The following ADAM29 variants were observed in gnomAD, a reference collection of about 807,000 sequenced individuals.
ADAM29 encodes the protein ADAM metallopeptidase domain 29, also known as disintegrin and metalloproteinase domain-containing protein 29.
For synonymous variants in ADAM29, 367 were observed against 342.3 expected, an observed-to-expected ratio of 1.07 and a Z score of -0.80; for missense variants, 969 against 1,001.8, an observed-to-expected ratio of 0.97 and a Z score of 0.44.
At chr4:174,960,928 G>A (rs1007623078) in intron 4 of ADAM29, among the ~76,000 whole-genome samples, 1 of 152,186 alleles carries the variant, frequency 6.6e-6, no homozygotes, top group African/African-American at 2.4e-5. Context: ...ACCTGAGTCA[G>A]TGTGATAAGA....
chr4:174,954,777 C>T (rs1357906694), intron 4 of ADAM29, among the ~76,000 whole-genome samples: 1 of 152,056 alleles, frequency 6.6e-6, no homozygotes, highest in African/African-American at 2.4e-5. Flanking sequence ...TCATCCATCT[C>T]AGGTAGGTTA....
intron 2 of ADAM29, among the ~76,000 whole-genome samples, chr4:174,928,567 C>T (rs1431616683): frequency 1.5e-3 from 9 of 5,968 alleles, no homozygotes; most frequent in African/African-American, 4.1e-3. Flanking sequence ...CTGTCATGTG[C>T]TTAAAAAAAA....
intron 4 of ADAM29, among the ~76,000 whole-genome samples, chr4:174,950,256 C>T (rs533680574): frequency 6.6e-6 from 1 of 152,254 alleles, no homozygotes; most frequent in Non-Finnish European, 1.5e-5. Flanking sequence ...TATAGGTAAG[C>T]ACCAGAATAG....
chr4:174,948,850 C>T (rs1326349491), intron 4 of ADAM29, among the ~76,000 whole-genome samples: 1 of 152,040 alleles, frequency 6.6e-6, no homozygotes, highest in Non-Finnish European at 1.5e-5. Flanking sequence ...GGGTGAGTTT[C>T]CTGGCATCTG....
intron 4 of ADAM29, among the ~76,000 whole-genome samples, chr4:174,973,355 C>T (rs1048873181): frequency 6.6e-6 from 1 of 152,154 alleles, no homozygotes; most frequent in Non-Finnish European, 1.5e-5. Flanking sequence ...ACACTGGGGA[C>T]AGGGACTCCA....
intron 4 of ADAM29, among the ~76,000 whole-genome samples, chr4:174,961,603 C>T (rs1745825071): frequency 1.3e-5 from 2 of 151,942 alleles, no homozygotes; most frequent in African/African-American, 2.4e-5. Flanking sequence ...AATCATTTCT[C>T]GTTATTACTA....
intron 4 of ADAM29, among the ~76,000 whole-genome samples, chr4:174,944,455 T>G (rs1371405982): frequency 6.6e-6 from 1 of 152,222 alleles, no homozygotes; most frequent in East Asian, 1.9e-4. Flanking sequence ...TTTCTCTTTG[T>G]TTTATTTTCA....
At position 174,936,417 on chromosome 4, in the gene ADAM29, C is replaced by T. The variant is rs535470252; in HGVS notation, c.-261-516C>T. ...ACTTATTTGACATTTTTTGGAACAA[C>T]ATTTTACGAAGTTTACTACTTTAGC... On this transcript the variant is annotated intron_variant, in intron 3 of 4. Transcript: ENST00000359240. 1.2e-3 allele frequency among the ~76,000 whole-genome samples: 184 copies of T among 152,048 alleles called. 1 individual carries two copies. Among genetic ancestry groups the T allele is most frequent in the African/African-American group, 4.1e-3 (170 of 41,542 alleles).
intron 4 of ADAM29, among the ~76,000 whole-genome samples, chr4:174,941,692 G>C (rs1241440439): frequency 6.6e-6 from 1 of 152,044 alleles, no homozygotes; most frequent in East Asian, 1.9e-4. Context: ...AGATGAGATT[G>C]GGGGGACACA....
chr4:174,962,444 A>G lies in ADAM29; in HGVS notation c.-180-12902A>G, dbSNP rs375056693. 8.9e-3 allele frequency among the ~76,000 whole-genome samples: 1,353 copies of G among 151,528 alleles called. 17 individuals carry two copies. Among genetic ancestry groups the G allele is most frequent in the African/African-American group, 0.029 (1,187 of 41,218 alleles). ...GGAGAATGGCGTGAACCCGGGAAGC[A>G]GAGCTTGCAGTGAGCCGAGATCGCG... On this transcript the variant is annotated intron_variant, in intron 4 of 4. Coordinates refer to ENST00000359240, the MANE Select transcript of ADAM29 (RefSeq NM_014269.4).
At chr4:174,919,963 A>C (rs1488456615) in intron 1 of ADAM29, among the ~76,000 whole-genome samples, 1 of 152,214 alleles carries the variant, frequency 6.6e-6, no homozygotes, top group Non-Finnish European at 1.5e-5. Flanking sequence ...AAATTGACAC[A>C]ATACTGTATC....
intron 2 of ADAM29, among the ~76,000 whole-genome samples, chr4:174,930,234 T>A (rs1483522402): frequency 6.6e-6 from 1 of 152,162 alleles, no homozygotes; most frequent in Non-Finnish European, 1.5e-5. Flanking sequence ...CCAGCCTCTC[T>A]CATATATATC....
At chr4:174,947,544 T>G (rs990628042) in intron 4 of ADAM29, among the ~76,000 whole-genome samples, 1 of 152,188 alleles carries the variant, frequency 6.6e-6, no homozygotes, top group Non-Finnish European at 1.5e-5. Context: ...CCCTCGTAAT[T>G]GTATGGTTTT....
chr4:174,921,504 A>G (rs150396073), intron 2 of ADAM29, among the ~76,000 whole-genome samples: 3,049 of 152,210 alleles, frequency 0.02, 78 homozygotes, highest in African/African-American at 0.061. Context: ...AGATCATTGA[A>G]TGGTCCCCAA....
At chr4:174,949,283 A>G (rs749964241) in intron 4 of ADAM29, among the ~76,000 whole-genome samples, 1 of 152,100 alleles carries the variant, frequency 6.6e-6, no homozygotes, top group Non-Finnish European at 1.5e-5. Context: ...TTCCTAGAGG[A>G]GCATGGCAAG....
rs911002096 is a variant in ADAM29, at chr4:174,930,636, TTAA to T, written c.-450-348_-450-346del. Among the ~76,000 whole-genome samples the T allele has an allele frequency of 1.6e-4, 25 of 152,184 alleles. 1 individual carries two copies. Among genetic ancestry groups the T allele is most frequent in the African/African-American group, 6.0e-4 (25 of 41,460 alleles). On this transcript the variant is annotated intron_variant, in intron 2 of 4. Coordinates refer to ENST00000359240, the MANE Select transcript of ADAM29 (RefSeq NM_014269.4). Reference sequence around the variant, plus strand: ...AACTATGTCTTTTTTCCTTCAACTATTAATTTTGTTTTTCACAAATGGCCAACT... The same window carrying T: ...AACTATGTCTTTTTTCCTTCAACTATTTTTGTTTTTCACAAATGGCCAACT...
chr4:174,949,963 T>G (rs1474246931), intron 4 of ADAM29, among the ~76,000 whole-genome samples: 1 of 152,138 alleles, frequency 6.6e-6, no homozygotes, highest in African/African-American at 2.4e-5. Flanking sequence ...AAATTTTTCT[T>G]GAGAGTTTAA....
intron 4 of ADAM29, among the ~76,000 whole-genome samples, chr4:174,961,876 C>T (rs1427054010): frequency 6.6e-6 from 1 of 152,134 alleles, no homozygotes; most frequent in Non-Finnish European, 1.5e-5. Context: ...GCTTCTTCAT[C>T]TTTCCTTCAG....
chr4:174,931,474 C>T (rs1381278714), intron 3 of ADAM29: 2 of 152,134 alleles, frequency 1.3e-5, no homozygotes, highest in African/African-American at 2.4e-5. Context: ...CGAATATATC[C>T]TTTAGATAAA....
Sources: allele counts gnomAD v4.1 joint callset (sites outside exome capture counted in the v4.1 genomes callset), GRCh38; gene constraint gnomAD v4.1.1; transcripts MANE v1.5; gene names NCBI Gene and HGNC (gene_info 2026-07-23, HGNC 2026-07-21).